USP26: variants seen among roughly 807,000 people sequenced by gnomAD.
USP26 encodes the protein ubiquitin carboxyl-terminal hydrolase 26.
For missense variants in USP26, 649 were observed against 642.3 expected (o/e 1.01, Z -0.11); for synonymous variants, 236 against 240.6 (o/e 0.98, Z 0.18).
Position 133,026,005 on chromosome X carries a change from G to A in USP26, c.2216C>T (p.Thr739Ile). The A allele has an allele frequency of 8.3e-7, 1 of 1,209,833 alleles. No individual in the cohort carries two copies. Among genetic ancestry groups the A allele is most frequent in the Non-Finnish European group, 1.1e-6 (1 of 893,910 alleles). The stretch of plus-strand genomic sequence containing the variant: ...GATTCTCATACCGTCACACTGCTGA[G>A]TCTGTTCAGACACTTTTTGGAATCT... The part of the protein sequence containing the change: ...PERFQKVSEQ[T>I]QQCDGMRICE... Residue 739 changes from threonine (T) to isoleucine (I), a missense_variant, in exon 6 of 6, where the codon ACT becomes ATT. Thr to Ile is a moderately conservative substitution (Grantham distance 89). Coordinates refer to ENST00000511190, the MANE Select transcript of USP26 (RefSeq NM_031907.3).
intron 5 of USP26, among the ~76,000 whole-genome samples, chrX:133,038,338 C>T (rs1673332528): frequency 9.0e-6 from 1 of 111,628 alleles, no homozygotes; most frequent in African/African-American, 3.3e-5. Flanking sequence ...AGATATGTTG[C>T]ATCAATACCT....
At chrX:133,036,122 T>TTATATATATA (rs56291269) in intron 5 of USP26, among the ~76,000 whole-genome samples, 3 of 106,583 alleles carry the variant, frequency 2.8e-5, no homozygotes, top group African/African-American at 1.0e-4. Context: ...CTAAAAAAAA[T>TTATATATATA]TATATATATA....
Position 133,033,895 on chromosome X carries a change from A to T in USP26, c.-76-5599T>A, listed in dbSNP as rs181377619. 6.9e-3 allele frequency among the ~76,000 whole-genome samples: 774 copies of T among 112,325 alleles called. 5 individuals carry two copies. Among genetic ancestry groups the T allele is most frequent in the African/African-American group, 0.024 (748 of 30,988 alleles). ...CCATGCAACGGAAAATGTCTTAATT[A>T]AAAAAGTAAAATTCAGTTAGTGTTA... is the stretch of plus-strand genomic sequence containing the variant. On this transcript the variant is annotated intron_variant, in intron 5 of 5. Transcript: ENST00000511190.
chrX:133,050,665 T>C (rs1038418051), intron 5 of USP26, among the ~76,000 whole-genome samples: 10 of 111,962 alleles, frequency 8.9e-5, no homozygotes, highest in Non-Finnish European at 1.9e-4. Flanking sequence ...AGCCATGTTA[T>C]CTACTTAAAA....
At chrX:133,074,794 T>G (rs1461801821) in intron 5 of USP26, among the ~76,000 whole-genome samples, 3 of 112,498 alleles carry the variant, frequency 2.7e-5, no homozygotes, top group Non-Finnish European at 3.7e-5. Context: ...AGAATTATTC[T>G]GCTGTTCTTT....
rs1198872172 is a variant in USP26, at chrX:133,057,844, T to TTATATA, written c.-77+25857_-77+25862dup. Among the ~76,000 whole-genome samples the TTATATA allele has an allele frequency of 2.6e-3, 79 of 30,660 alleles. 2 individuals carry two copies. Among genetic ancestry groups the TTATATA allele is most frequent in the African/African-American group, 9.7e-3 (36 of 3,719 alleles). 26.6% of individuals were successfully genotyped at this position (30,660 alleles called of 115,157 possible). On this transcript the variant is annotated intron_variant, in intron 5 of 5. Coordinates refer to ENST00000511190, the MANE Select transcript of USP26 (RefSeq NM_031907.3). ...TTGGGGTCTGAGAATATACTTTACA[T>TTATATA]TATATATATATATATATATATATTT...
chrX:133,072,548 T>C (rs1360048264), intron 5 of USP26, among the ~76,000 whole-genome samples: 2 of 112,577 alleles, frequency 1.8e-5, no homozygotes, highest in Non-Finnish European at 3.8e-5. Context: ...CATTTTAAAG[T>C]GATAGCACTG....
intron 5 of USP26, among the ~76,000 whole-genome samples, chrX:133,049,425 T>A (rs1296438791): frequency 8.9e-6 from 1 of 112,336 alleles, no homozygotes. Flanking sequence ...CTCCACTGAT[T>A]ACCTGTGCTG....
intron 5 of USP26, among the ~76,000 whole-genome samples, chrX:133,042,174 C>A (rs2067422236): frequency 9.0e-6 from 1 of 111,326 alleles, no homozygotes; most frequent in African/African-American, 3.3e-5. Context: ...CTGAGTGAGA[C>A]CACTTGGCTC....
chrX:133,056,775 G>A (rs763161821), intron 5 of USP26, among the ~76,000 whole-genome samples: 37 of 111,845 alleles, frequency 3.3e-4, no homozygotes, highest in African/African-American at 1.1e-3. Flanking sequence ...TAAAAGGCAA[G>A]TCAGTCTTCA....
chrX:133,096,422 ACTTTT>A (rs2067630685), intron 1 of USP26, among the ~76,000 whole-genome samples: 1 of 111,474 alleles, frequency 9.0e-6, no homozygotes, highest in African/African-American at 3.3e-5. Flanking sequence ...ACACCAGAAA[ACTTTT>A]CTTTTATTTG....
chrX:133,049,107 G>A (rs1380158701), intron 5 of USP26, among the ~76,000 whole-genome samples: 5 of 112,153 alleles, frequency 4.5e-5, no homozygotes, highest in Non-Finnish European at 9.4e-5. Flanking sequence ...AAGAGACAAT[G>A]AGTTGTACTG....
rs1428560861 is a variant in USP26, at chrX:133,090,764, C to T, written c.-301-1G>A. 8.9e-6 allele frequency: 1 copy of T among 112,140 alleles called. No individual in the cohort carries two copies. Among genetic ancestry groups the T allele is most frequent in the Non-Finnish European group, 1.9e-5 (1 of 53,224 alleles). 9.2% of individuals were successfully genotyped at this position (112,140 alleles called of 1,213,427 possible). On this transcript the variant is annotated splice_acceptor_variant, in intron 2 of 5. Transcript: ENST00000511190. LOFTEE classifies it low-confidence loss of function (5UTR_SPLICE). ...TGCTATATAGAACAGAGACTATGAC[C>T]TGGACAGGCACAAGAGAGAGCATTT...
At chrX:133,093,701 C>A (rs143818722) in intron 1 of USP26, among the ~76,000 whole-genome samples, 234 of 110,809 alleles carry the variant, frequency 2.1e-3, no homozygotes, top group Non-Finnish European at 3.2e-3. Context: ...GAAATATAAG[C>A]CAGGTGCAGT....
intron 5 of USP26, among the ~76,000 whole-genome samples, chrX:133,056,179 G>A (rs2067474544): frequency 9.0e-6 from 1 of 111,669 alleles, no homozygotes; most frequent in Admixed American, 9.5e-5. Flanking sequence ...GTGTTTAATA[G>A]CAAATTTTTC....
chrX:133,037,847 T>C (rs2067401161), intron 5 of USP26, among the ~76,000 whole-genome samples: 2 of 111,904 alleles, frequency 1.8e-5, no homozygotes, highest in African/African-American at 6.5e-5. Context: ...TCTGATTTCC[T>C]TGAACAGTGG....
rs1266565058 is a variant in USP26 at position 133,027,528 on chromosome X, C to A, written c.693G>T (p.Lys231Asn). The change falls in exon 6 of 6, where the codon AAG becomes AAT. Residue 231 changes from lysine (K) to asparagine (N), a missense_variant. Physicochemically the swap from Lys to Asn is moderately conservative, Grantham distance 94 (BLOSUM62 0). Coordinates refer to ENST00000511190, the MANE Select transcript of USP26 (RefSeq NM_031907.3). ...TGCATGAAGATTCACATTCCAATTT[C>A]TTATTCTCTTCTAACTCTTTTAACT... ...QLKLKELEENKKLECESSCIM... is the reference protein window; with the variant it reads ...QLKLKELEENNKLECESSCIM... The A allele has an allele frequency of 2.5e-6, 3 of 1,210,231 alleles. No individual in the cohort carries two copies. The highest frequency in any genetic ancestry group is 2.2e-5 in the Admixed American group (1 of 45,874).
chrX:133,043,412 A>T (rs2067426414), intron 5 of USP26, among the ~76,000 whole-genome samples: 1 of 112,258 alleles, frequency 8.9e-6, no homozygotes, highest in Admixed American at 9.4e-5. Flanking sequence ...AGTAACCCTC[A>T]ACTTTACTCA....
chrX:133,069,336 T>C (rs762614720), intron 5 of USP26, among the ~76,000 whole-genome samples: 2 of 111,681 alleles, frequency 1.8e-5, no homozygotes, highest in African/African-American at 6.5e-5. Flanking sequence ...AGAGAACAAA[T>C]CTAAGGATTA....
Sources: gnomAD v4.1 joint callset for allele counts (sites outside exome capture counted in the v4.1 genomes callset) on GRCh38, gnomAD v4.1.1 for gene constraint, MANE v1.5 for transcripts, NCBI Gene and HGNC (gene_info 2026-07-23, HGNC 2026-07-21) for gene names.